Variants in CAST observed in about 807,000 individuals in gnomAD.
CAST encodes the protein calpastatin, also known as MIR583 host.
CAST carries 76 observed loss-of-function variants against 119.6 expected under a neutral mutation model. The observed-to-expected ratio is 0.64, with a 90% CI of 0.53 to 0.77. The LOEUF is 0.77. Among genes scored for constraint, CAST ranks in the 30% least tolerant of loss-of-function variants. CAST has a pLI of 0.00. For missense variants in CAST, 953 were observed against 946.5 expected (o/e 1.01, Z -0.09); for synonymous variants, 319 against 331.6 (o/e 0.96, Z 0.41).
At chr5:96,605,923 T>C (rs1263398245) in intron 1 of CAST, among the ~76,000 whole-genome samples, 4 of 152,204 alleles carry the variant, frequency 2.6e-5, no homozygotes, top group Non-Finnish European at 5.9e-5. Context: ...CCTGTTAACA[T>C]AGCTGTGATA....
At chr5:95,972,219 G>A in the CAST span, among the ~76,000 whole-genome samples, 1 of 152,128 alleles carries the variant, frequency 6.6e-6, no homozygotes, top group Non-Finnish European at 1.5e-5. Flanking sequence ...ACAGGTGTGA[G>A]CCACTATGTT....
At chr5:96,412,587 T>G in the CAST span, 1 of 1,198,974 alleles carries the variant, frequency 8.3e-7, no homozygotes. Flanking sequence ...TTAAAGGATT[T>G]TAAGAGTCAA....
intron 1 of CAST, among the ~76,000 whole-genome samples, chr5:96,530,569 G>C (rs1745672593): frequency 6.6e-6 from 1 of 152,134 alleles, no homozygotes; most frequent in Non-Finnish European, 1.5e-5. Context: ...TGTAGTGAAA[G>C]ATTGCCCAGG....
rs1209790256 is a variant in CAST, at chr5:96,730,655, A to G, written c.550-125A>G. 2.1e-5 allele frequency: 15 copies of G among 712,356 alleles called. No individual in the cohort carries two copies. The East Asian group carries it at 3.1e-4, about 15-fold the overall frequency. The allele number at this position is 712,356 out of a possible 1,614,324, so 44.1% of individuals were successfully genotyped here. A position where few individuals can be genotyped will look rare whatever the true frequency, so the allele number is the denominator to read the frequency against. ...GCACCATGTACAATAGAAGTGAGCA[A>G]ACATTCCCTTATGGTGTCCGTGAGG... On this transcript the variant is annotated intron_variant, in intron 8 of 31. Coordinates refer to ENST00000675179, the MANE Select transcript of CAST (RefSeq NM_001750.7).
chr5:96,386,707 A>G, the CAST span, among the ~76,000 whole-genome samples: 1 of 152,206 alleles, frequency 6.6e-6, no homozygotes, highest in Non-Finnish European at 1.5e-5. Context: ...GCTCACGCCT[A>G]TAATTCCAGC....
At chr5:96,532,170 G>GA (rs1013927988) in intron 1 of CAST, among the ~76,000 whole-genome samples, 16 of 150,294 alleles carry the variant, frequency 1.1e-4, no homozygotes, top group African/African-American at 2.0e-4. Context: ...GGAAGTTCCA[G>GA]AAAAAAAAAT....
At chr5:96,294,128 C>A in the CAST span, among the ~76,000 whole-genome samples, 1 of 152,124 alleles carries the variant, frequency 6.6e-6, no homozygotes, top group Admixed American at 6.5e-5. Flanking sequence ...TCATTTTTGA[C>A]TCAATGTATT....
the CAST span, among the ~76,000 whole-genome samples, chr5:96,360,565 T>C: frequency 6.6e-6 from 1 of 152,220 alleles, no homozygotes; most frequent in African/African-American, 2.4e-5. Context: ...TGTTTGTTAG[T>C]TTTCCTCCTG....
At chr5:96,646,541 G>T (rs72772065) in intron 1 of CAST, among the ~76,000 whole-genome samples, 11,201 of 152,098 alleles carry the variant, frequency 0.074, 611 homozygotes, top group Non-Finnish European at 0.11. Flanking sequence ...TAGTATGTCT[G>T]TAAAAACAGA....
the CAST span, among the ~76,000 whole-genome samples, chr5:96,287,571 C>T: frequency 2.6e-5 from 4 of 151,972 alleles, no homozygotes; most frequent in Non-Finnish European, 4.4e-5. Context: ...GTGGTATTAA[C>T]GGGTTCTGTG....
chr5:96,074,854 T>C, the CAST span, among the ~76,000 whole-genome samples: 2 of 152,240 alleles, frequency 1.3e-5, no homozygotes, highest in African/African-American at 4.8e-5. Flanking sequence ...GTTATACTTA[T>C]TCTTACTCTT....
the CAST span, among the ~76,000 whole-genome samples, chr5:96,462,785 G>A: frequency 6.6e-6 from 1 of 152,070 alleles, no homozygotes; most frequent in Non-Finnish European, 1.5e-5. Context: ...TGGATCATGG[G>A]GGCAGTTTCC....
intron 1 of CAST, among the ~76,000 whole-genome samples, chr5:96,579,911 G>A (rs143640429): frequency 3.7e-4 from 56 of 152,316 alleles, no homozygotes; most frequent in Admixed American, 2.4e-3. Flanking sequence ...TTCAGGCACC[G>A]CTGCCGTGGG....
At chr5:96,605,831 T>TAG (rs1747243191) in intron 1 of CAST, among the ~76,000 whole-genome samples, 1 of 152,206 alleles carries the variant, frequency 6.6e-6, no homozygotes, top group African/African-American at 2.4e-5. Context: ...CAGTGGACTA[T>TAG]AGAGAGAGAG....
the CAST span, among the ~76,000 whole-genome samples, chr5:96,486,824 C>CT: frequency 1.3e-5 from 2 of 152,176 alleles, no homozygotes; most frequent in African/African-American, 4.8e-5. Context: ...CCCAGGTAGC[C>CT]TCCTGTGAGA....
At chr5:96,632,521 T>C (rs538471469) in intron 1 of CAST, among the ~76,000 whole-genome samples, 3 of 152,262 alleles carry the variant, frequency 2.0e-5, no homozygotes, top group African/African-American at 7.2e-5. Flanking sequence ...CATTTGCTAA[T>C]CCCAGGTCTT....
chr5:96,565,175 C>T (rs191884329), intron 1 of CAST, among the ~76,000 whole-genome samples: 47 of 150,770 alleles, frequency 3.1e-4, no homozygotes, highest in African/African-American at 1.0e-3. Context: ...AAAATTTTCC[C>T]ACACTAAAAA....
At chr5:96,419,031 G>T in the CAST span, among the ~76,000 whole-genome samples, 1 of 151,860 alleles carries the variant, frequency 6.6e-6, no homozygotes, top group South Asian at 2.1e-4. Flanking sequence ...CAGTGTCCAA[G>T]CCATATATAT....
the CAST span, among the ~76,000 whole-genome samples, chr5:96,133,304 A>AC: frequency 1.8e-3 from 279 of 151,556 alleles, 1 homozygote; most frequent in African/African-American, 4.1e-3. Context: ...AAAAAAAAAA[A>AC]ACACACACAC....
Sources: allele counts gnomAD v4.1 joint callset (sites outside exome capture counted in the v4.1 genomes callset), GRCh38; gene constraint gnomAD v4.1.1; transcripts MANE v1.5; gene names NCBI Gene and HGNC (gene_info 2026-07-23, HGNC 2026-07-21).